The following PTPRN2 variants were observed in gnomAD, a reference collection of about 807,000 sequenced individuals.
PTPRN2 encodes receptor-type tyrosine-protein phosphatase N2.
In PTPRN2, 74 loss-of-function variants were observed where a neutral mutation model predicts 118.8. That is an observed-to-expected ratio of 0.62 (90% confidence interval 0.52 to 0.76). The LOEUF is 0.76. PTPRN2 is among the 30% of genes least tolerant of loss of function. PTPRN2 has a pLI of 0.00. For synonymous variants in PTPRN2, 641 were observed against 608.0 expected, an observed-to-expected ratio of 1.05 and a Z score of -0.80; for missense variants, 1,481 against 1,394.4, an observed-to-expected ratio of 1.06 and a Z score of -0.99.
intron 11 of PTPRN2, among the ~76,000 whole-genome samples, chr7:158,040,530 G>A (rs913661956): frequency 5.3e-5 from 8 of 152,168 alleles, no homozygotes; most frequent in African/African-American, 1.7e-4. Context: ...AGAAAAGCAC[G>A]GAGAGAATTA....
chr7:157,830,893 T>C (rs1807520036), intron 12 of PTPRN2, among the ~76,000 whole-genome samples: 3 of 152,220 alleles, frequency 2.0e-5, no homozygotes, highest in Non-Finnish European at 2.9e-5. Flanking sequence ...GTAACGTCAC[T>C]GCTTCCAGGC....
intron 12 of PTPRN2, among the ~76,000 whole-genome samples, chr7:157,852,862 T>TAAAA (rs1353843127): frequency 3.0e-5 from 1 of 33,414 alleles, no homozygotes; most frequent in Non-Finnish European, 6.2e-5. Context: ...AGCAAGTCTC[T>TAAAA]CAAAAAAAAA....
At chr7:158,451,671 C>T (rs905114398) in intron 2 of PTPRN2, among the ~76,000 whole-genome samples, 2 of 152,196 alleles carry the variant, frequency 1.3e-5, no homozygotes, top group Admixed American at 1.3e-4. Flanking sequence ...GTGTTTAGAA[C>T]GCTCGCGGTT....
chr7:157,804,181 C>A (rs554570316), intron 12 of PTPRN2, among the ~76,000 whole-genome samples: 13 of 152,222 alleles, frequency 8.5e-5, no homozygotes, highest in Non-Finnish European at 1.6e-4. Context: ...TGTGGAGGGG[C>A]CTGTTTACCC....
chr7:158,273,507 C>CGCAGGCACAGGGGGAGCT (rs1798672796), intron 3 of PTPRN2, among the ~76,000 whole-genome samples: 1 of 125,418 alleles, frequency 8.0e-6, no homozygotes, highest in East Asian at 2.4e-4. Flanking sequence ...CAGGGGGAGC[C>CGCAGGCACAGGGGGAGCT]GCAGACAGAC....
Position 157,794,483 on chromosome 7 carries a change from C to A in PTPRN2, c.1788+104190G>T, listed in dbSNP as rs750533993. Among the ~76,000 whole-genome samples, 46 of 152,148 alleles carry A rather than the reference C, an allele frequency of 3.0e-4. 1 individual carries two copies. Among genetic ancestry groups the A allele is most frequent in the Admixed American group, 2.0e-4 (3 of 15,276 alleles). On this transcript the variant is annotated intron_variant, in intron 12 of 22. Coordinates refer to ENST00000389418, the MANE Select transcript of PTPRN2 (RefSeq NM_002847.5). The surrounding 1 kb of genome is among the most constrained non-coding windows in gnomAD (Gnocchi z 5.2). ...CTATTCTTTGAAGCTTCACTGCTTT[C>A]GGATAAGTATGAAAATAGGCTCTCC...
chr7:157,942,587 G>T (rs1459890049), intron 11 of PTPRN2, among the ~76,000 whole-genome samples: 2 of 151,998 alleles, frequency 1.3e-5, no homozygotes, highest in African/African-American at 4.8e-5. Flanking sequence ...ACTGGGAGCT[G>T]GTGGAATATG....
chr7:158,447,151 G>C (rs1415855150), intron 2 of PTPRN2, among the ~76,000 whole-genome samples: 1 of 152,128 alleles, frequency 6.6e-6, no homozygotes, highest in African/African-American at 2.4e-5. Flanking sequence ...AGCAAGGACA[G>C]AGCCATGAAT....
rs1193115164 is a variant in PTPRN2, at chr7:157,690,030, AC to A, written c.1789-7094del. ...ACACGCCTCCCATCTCCGTGCCTGC[AC>A]CCCCCCACCCCCAGCACCCTGCAAT... On this transcript the variant is annotated intron_variant, in intron 12 of 22. Coordinates refer to ENST00000389418, the MANE Select transcript of PTPRN2 (RefSeq NM_002847.5). This position sits in a 1 kb window ranked among gnomAD's most constrained non-coding sequence, Gnocchi z 7.1. Among the ~76,000 whole-genome samples, 1 of 151,036 alleles carries A rather than the reference AC, an allele frequency of 6.6e-6. No homozygotes were observed. Among genetic ancestry groups the A allele is most frequent in the Admixed American group, 6.6e-5 (1 of 15,180 alleles).
chr7:157,789,280 C>T (rs1804275754), intron 12 of PTPRN2, among the ~76,000 whole-genome samples: 1 of 152,228 alleles, frequency 6.6e-6, no homozygotes, highest in Admixed American at 6.5e-5. Context: ...CCTCGAGAAG[C>T]TCCCCGCCCG....
At chr7:157,638,844 C>T (rs556188803) in intron 14 of PTPRN2, among the ~76,000 whole-genome samples, 11 of 152,252 alleles carry the variant, frequency 7.2e-5, no homozygotes, top group African/African-American at 2.4e-4. Context: ...CAGCATTAGC[C>T]GTCAGGGCCC....
chr7:157,547,599 T>G (rs1245254270), intron 22 of PTPRN2, among the ~76,000 whole-genome samples: 1 of 151,894 alleles, frequency 6.6e-6, no homozygotes, highest in East Asian at 1.9e-4. Context: ...CGAATGCTGT[T>G]GTGAACAAGC....
intron 12 of PTPRN2, among the ~76,000 whole-genome samples, chr7:157,727,218 A>C (rs1445157748): frequency 6.6e-6 from 1 of 152,210 alleles, no homozygotes; most frequent in Non-Finnish European, 1.5e-5. Flanking sequence ...CAAAGGGTGG[A>C]TGCAAGGCCA....
intron 12 of PTPRN2, among the ~76,000 whole-genome samples, chr7:157,790,567 G>A (rs1804424412): frequency 6.6e-6 from 1 of 152,122 alleles, no homozygotes; most frequent in South Asian, 2.1e-4. Context: ...TCAAACCCGT[G>A]GGTACAGAAA....
chr7:157,915,487 G>A (rs557578469), intron 11 of PTPRN2, among the ~76,000 whole-genome samples: 7 of 129,654 alleles, frequency 5.4e-5, no homozygotes, highest in South Asian at 2.8e-4. Flanking sequence ...CAGGAACAGC[G>A]CTGAACGCAA....
At chr7:158,447,917 T>C (rs974802172) in intron 2 of PTPRN2, among the ~76,000 whole-genome samples, 1 of 152,198 alleles carries the variant, frequency 6.6e-6, no homozygotes, top group African/African-American at 2.4e-5. Context: ...CTGGCCATGC[T>C]ACCCAGCCAC....
intron 1 of PTPRN2, among the ~76,000 whole-genome samples, chr7:158,573,474 A>T (rs931060278): frequency 1.3e-5 from 2 of 152,166 alleles, no homozygotes; most frequent in Admixed American, 1.3e-4. Flanking sequence ...AGCGGTCTGG[A>T]GGAGTGACCA....
intron 1 of PTPRN2, among the ~76,000 whole-genome samples, chr7:158,527,023 G>A (rs1824829163): frequency 6.6e-6 from 1 of 152,132 alleles, no homozygotes; most frequent in Admixed American, 6.5e-5. Context: ...CACAAGTTAT[G>A]GTTTGTGACA....
intron 12 of PTPRN2, among the ~76,000 whole-genome samples, chr7:157,753,768 C>A (rs558279513): frequency 6.6e-6 from 1 of 152,204 alleles, no homozygotes; most frequent in African/African-American, 2.4e-5. Flanking sequence ...TCGTGGCATG[C>A]GTGCATGGCT....
Sources: allele counts gnomAD v4.1 joint callset (sites outside exome capture counted in the v4.1 genomes callset), GRCh38; gene constraint gnomAD v4.1.1; non-coding constraint Gnocchi (gnomAD v3.1); transcripts MANE v1.5; gene names NCBI Gene and HGNC (gene_info 2026-07-23, HGNC 2026-07-21).